The following CRNKL1 variants were observed in gnomAD, a reference collection of about 807,000 sequenced individuals.
The protein encoded by CRNKL1 is crooked neck pre-mRNA splicing factor 1.
In CRNKL1, 35 loss-of-function variants were observed where a neutral mutation model predicts 103.7. The ratio of observed to expected loss-of-function variants is 0.34; its 90% CI spans 0.26 to 0.45. The LOEUF is 0.45. Among genes scored for constraint, CRNKL1 ranks in the 20% least tolerant of loss-of-function variants. The pLI is 1.00. For synonymous variants in CRNKL1, 267 were observed against 282.6 expected, an observed-to-expected ratio of 0.94 and a Z score of 0.55; for missense variants, 645 against 836.0, an observed-to-expected ratio of 0.77 and a Z score of 2.82.
At chr20:20,049,306 A>G in intron 3 of CRNKL1, 34 bp downstream of exon 3, 1 of 1,116,866 alleles carries the variant, frequency 9.0e-7, no homozygotes, top group East Asian at 2.4e-5. Flanking sequence ...TCTATGAATC[A>G]TTATATACAA....
chr20:20,046,421 G>C (rs916728186), intron 5 of CRNKL1, among the ~76,000 whole-genome samples: 8 of 152,190 alleles, frequency 5.3e-5, no homozygotes, highest in Non-Finnish European at 7.3e-5. Context: ...CACCTCAACA[G>C]AGAAGAGTAA....
chr20:20,055,949 G>A, upstream of CRNKL1: 1 of 1,607,490 alleles, frequency 6.2e-7, no homozygotes. Flanking sequence ...GTGACCTACT[G>A]TTTTTGTCAA....
intron 5 of CRNKL1, among the ~76,000 whole-genome samples, chr20:20,046,301 A>G (rs2043593457): frequency 6.6e-6 from 1 of 152,218 alleles, no homozygotes; most frequent in Admixed American, 6.5e-5. Context: ...TTAAACAACA[A>G]TATCTGTAAA....
intron 10 of CRNKL1, among the ~76,000 whole-genome samples, chr20:20,040,125 T>G (rs2043488196): frequency 6.6e-6 from 1 of 152,072 alleles, no homozygotes; most frequent in Non-Finnish European, 1.5e-5. Flanking sequence ...TCCTAGGGAA[T>G]AGGGATGTCA....
intron 1 of CRNKL1, among the ~76,000 whole-genome samples, chr20:20,051,231 T>A (rs1196830521): frequency 6.6e-5 from 10 of 152,232 alleles, no homozygotes; most frequent in Non-Finnish European, 1.5e-4. Flanking sequence ...ACATTGGTTT[T>A]GAAGATGAAG....
At chr20:20,054,396 GATAT>G (rs34409266), upstream of CRNKL1, among the ~76,000 whole-genome samples, 138 of 140,266 alleles carry the variant, frequency 9.8e-4, no homozygotes, top group African/African-American at 3.4e-3. Context: ...ATGAGCTAGG[GATAT>G]ATATATATAT....
chr20:20,041,168 C>T (rs1160509191), intron 9 of CRNKL1, among the ~76,000 whole-genome samples: 1 of 152,242 alleles, frequency 6.6e-6, no homozygotes, highest in African/African-American at 2.4e-5. Context: ...TTTTGTTTCT[C>T]GTGCTGGGAA....
chr20:20,042,253 C>T lies in CRNKL1; in HGVS notation c.1164+72G>A, dbSNP rs2043525388. ...TCCTTCTTTCAAGAATTACAAACAT[C>T]CACAATAGGTGAGCTGTGAATACAG... On this transcript the variant is annotated intron_variant, in intron 8 of 13. Transcript: ENST00000536226. The T allele has an allele frequency of 3.0e-6, 4 of 1,323,272 alleles. No individual in the cohort carries two copies. In the South Asian group the frequency reaches 6.7e-5, roughly 22 times the overall value. 82.0% of individuals were successfully genotyped at this position (1,323,272 alleles called of 1,614,324 possible).
At chr20:20,042,873 T>C (rs914906230) in intron 7 of CRNKL1, among the ~76,000 whole-genome samples, 4 of 152,258 alleles carry the variant, frequency 2.6e-5, no homozygotes, top group African/African-American at 9.6e-5. Flanking sequence ...ATGCTCACAA[T>C]TGTTAAACTT....
At chr20:20,044,342 T>C (rs896373114) in intron 6 of CRNKL1, among the ~76,000 whole-genome samples, 9 of 152,222 alleles carry the variant, frequency 5.9e-5, no homozygotes, top group African/African-American at 2.2e-4. Context: ...CCTAGCATGG[T>C]CCGTGCAAGA....
rs6106180 is a variant in CRNKL1, at chr20:20,042,233, C to G, written c.1164+92G>C. ...TAAAAATTTAAAACTAAATTTCCTT[C>G]TTTCAAGAATTACAAACATCCACAA... is the stretch of plus-strand genomic sequence containing the variant. On this transcript the variant is annotated intron_variant, in intron 8 of 13. Transcript: ENST00000536226. The G allele has an allele frequency of 2.5e-3, 3,047 of 1,196,704 alleles. 52 individuals are homozygous for G. In the African/African-American group the frequency reaches 0.04, roughly 16 times the overall value. 74.1% of individuals were successfully genotyped at this position (1,196,704 alleles called of 1,614,324 possible).
chr20:20,046,020 C>G (rs1227835096), intron 5 of CRNKL1, among the ~76,000 whole-genome samples: 3 of 151,828 alleles, frequency 2.0e-5, no homozygotes, highest in Non-Finnish European at 1.5e-5. Flanking sequence ...AAAAAACATG[C>G]TATAAAAAGA....
chr20:20,041,887 C>G (rs1239955287), intron 8 of CRNKL1, among the ~76,000 whole-genome samples: 2 of 152,288 alleles, frequency 1.3e-5, no homozygotes, highest in Middle Eastern at 3.4e-3. Context: ...CAGAAAGAAA[C>G]AAAGATGTTT....
intron 5 of CRNKL1, among the ~76,000 whole-genome samples, chr20:20,046,730 C>G (rs373238638): frequency 2.0e-5 from 3 of 152,336 alleles, no homozygotes; most frequent in South Asian, 4.1e-4. Flanking sequence ...AGAGCCACAG[C>G]TCCTTGCACT....
rs779256370 is a variant in CRNKL1 at position 20,043,654 on chromosome 20, C to G, written c.810G>C (p.Arg270Ser). ...GGGCATACTTGTAAATCACTCGTAC[C>G]CTTTCAAACTAAATGCAGACAGGAT... The part of the protein sequence containing the change: ...KFEENQKEFE[R>S]VRVIYKYALD... Residue 270 changes from arginine (R) to serine (S), a missense_variant, in exon 7 of 14, where the codon AGG becomes AGC. This residue lies in a region of CRNKL1 where 582 missense variants were observed against 707.7 expected (regional missense o/e 0.82). Transcript: ENST00000536226. 3.1e-6 allele frequency: 5 copies of G among 1,611,930 alleles called. No homozygotes were observed. Among genetic ancestry groups the G allele is most frequent in the Non-Finnish European group, 4.2e-6 (5 of 1,178,354 alleles).
chr20:20,047,622 A>T, intron 5 of CRNKL1, 143 bp downstream of exon 5: 1 of 726,664 alleles, frequency 1.4e-6, no homozygotes. Context: ...TCCCTACAAA[A>T]CATAGGGAAG....
Position 20,041,554 on chromosome 20 carries a change from G to C in CRNKL1, c.1224+12C>G, listed in dbSNP as rs768382611. Reference sequence around the variant, plus strand: ...GACCTGTTTGAAATGGAACACTTTAGAGCAAACATACCTTTTTGTGAGGAA... The same window carrying C: ...GACCTGTTTGAAATGGAACACTTTACAGCAAACATACCTTTTTGTGAGGAA... On this transcript the variant is annotated intron_variant, in intron 9 of 13. Coordinates refer to ENST00000536226, the MANE Select transcript of CRNKL1 (RefSeq NM_001278628.2). 1 of 1,604,390 alleles carries C rather than the reference G, an allele frequency of 6.2e-7. No individual in the cohort carries two copies. The highest frequency in any genetic ancestry group is 8.5e-7 in the Non-Finnish European group (1 of 1,171,170).
In CRNKL1 at chr20:20,049,226, AT is replaced by A. The variant is rs1410056436; in HGVS notation, c.296+113del. 5 of 654,550 alleles carry A rather than the reference AT, an allele frequency of 7.6e-6. No homozygotes were observed. In the Admixed American group the frequency reaches 1.7e-4, roughly 22 times the overall value. 40.5% of individuals were successfully genotyped at this position (654,550 alleles called of 1,614,324 possible). ...GGGTTCCATGGAACCAAAGTTGAAA[AT>A]TTCTACCCGAGGCACAATCTTTTAC... On this transcript the variant is annotated intron_variant, in intron 3 of 13. Coordinates refer to ENST00000536226, the MANE Select transcript of CRNKL1 (RefSeq NM_001278628.2).
intron 3 of CRNKL1, among the ~76,000 whole-genome samples, chr20:20,049,084 C>T (rs897091096): frequency 5.4e-5 from 8 of 149,168 alleles, no homozygotes; most frequent in Non-Finnish European, 1.2e-4. Flanking sequence ...ATATACAAAG[C>T]AAATGAAATT....
Sources: gnomAD v4.1 joint callset for allele counts (sites outside exome capture counted in the v4.1 genomes callset) on GRCh38, gnomAD v4.1.1 for gene constraint, gnomAD v4.1.1 regional missense constraint, MANE v1.5 for transcripts, NCBI Gene and HGNC (gene_info 2026-07-23, HGNC 2026-07-21) for gene names.